ROS1: variants seen among roughly 807,000 people sequenced by gnomAD.
ROS1 encodes ROS proto-oncogene 1, receptor tyrosine kinase.
ROS1 carries 263 observed loss-of-function variants against 273.5 expected under a neutral mutation model. The ratio of observed to expected loss-of-function variants is 0.96; its 90% CI spans 0.87 to 1.06. ROS1 has a LOEUF of 1.06. Ranked by LOEUF, ROS1 falls within the 50% of genes least tolerant of loss-of-function variation. The pLI, the probability that ROS1 is intolerant of heterozygous loss-of-function variation, is 0.00. For synonymous variants in ROS1, 1,008 were observed against 954.1 expected (o/e 1.06, Z -1.04); for missense variants, 2,833 against 2,751.1 (o/e 1.03, Z -0.67).
intron 36 of ROS1, 68 bp downstream of exon 36, chr6:117,321,191 T>C (rs1432751939): frequency 2.0e-6 from 3 of 1,529,370 alleles, no homozygotes; most frequent in Non-Finnish European, 2.7e-6. Context: ...GCGGAATTCA[T>C]AGGCACTCTC....
At position 117,353,094 on chromosome 6, in the gene ROS1, T is replaced by C. The variant is rs1779011487; in HGVS notation, c.4199A>G (p.Gln1400Arg). 1.9e-6 allele frequency: 3 copies of C among 1,614,040 alleles called. No homozygotes were observed. Among genetic ancestry groups the C allele is most frequent in the South Asian group, 2.2e-5 (2 of 91,080 alleles). The change falls in exon 27 of 44, where the codon CAG (glutamine) becomes CGG (arginine). Residue 1400 changes from glutamine to arginine, a missense_variant. Coordinates refer to ENST00000368507, the MANE Select transcript of ROS1 (RefSeq NM_001378902.1). Reference protein sequence around the residue: ...YWIITAKDSTQIYQAKKGNGA... With the variant: ...YWIITAKDSTRIYQAKKGNGA... ...ATTTCCTTTCTTTGCCTGATAAATC[T>C]GTGTGCTGTCCTTTGCTGTGATGAT...
Position 117,360,400 on chromosome 6 carries a change from C to T in ROS1, c.3372G>A (p.Arg1124=), listed in dbSNP as rs780262110. The T allele has an allele frequency of 3.1e-6, 5 of 1,612,474 alleles. No homozygotes were observed. The Admixed American group carries it at 5.0e-5, about 16-fold the overall frequency. Residue 1124 remains arginine (R), a synonymous_variant, in exon 23 of 44, where the codon AGG becomes AGA. Coordinates refer to ENST00000368507, the MANE Select transcript of ROS1 (RefSeq NM_001378902.1). ...GTCCTGGCCCCTTAGATGTAAAGGC[C>T]CTAACCTAAAGAAAAGGAAACAAAA... ...SPRCFIAFQV[R]AFTSKGPGPY...
intron 27 of ROS1, among the ~76,000 whole-genome samples, chr6:117,348,284 T>C (rs1778538097): frequency 6.6e-6 from 1 of 152,006 alleles, no homozygotes; most frequent in Non-Finnish European, 1.5e-5. Flanking sequence ...ATATTCAGAT[T>C]GTCTATTTCT....
intron 27 of ROS1, among the ~76,000 whole-genome samples, chr6:117,345,903 G>A (rs1582687787): frequency 6.6e-6 from 1 of 152,102 alleles, no homozygotes; most frequent in African/African-American, 2.4e-5. Flanking sequence ...CAAAATGCAG[G>A]AAAAAATGTT....
At chr6:117,327,316 T>C (rs1208140268) in intron 33 of ROS1, among the ~76,000 whole-genome samples, 2 of 152,156 alleles carry the variant, frequency 1.3e-5, no homozygotes, top group African/African-American at 4.8e-5. Flanking sequence ...GAGGGTCCCT[T>C]TAAGGACCAT....
chr6:117,334,928 T>C (rs888382709), intron 32 of ROS1, among the ~76,000 whole-genome samples: 3 of 152,190 alleles, frequency 2.0e-5, no homozygotes, highest in African/African-American at 7.2e-5. Flanking sequence ...GACATAGGCA[T>C]GGGCAAAGAC....
intron 6 of ROS1, 74 bp downstream of exon 6, chr6:117,404,206 G>T (rs1774199748): frequency 2.9e-6 from 4 of 1,374,736 alleles, no homozygotes; most frequent in Non-Finnish European, 4.1e-6. Context: ...GGGCGACAGA[G>T]CGAGACTCCG....
rs143692584 is a variant in ROS1 at position 117,353,165 on chromosome 6, T to C, written c.4128A>G (p.Gly1376=). ...WRVITVPAML[G]KTLVSLTVDG... ...CCACAGTTAAGCTAACAAGGGTTTT[T>C]CCTGCTGTTAAAAACATAAGGAATA... Residue 1376 remains glycine, a splice_region_variant and synonymous_variant, in exon 27 of 44, where the codon GGA becomes GGG. Coordinates refer to ENST00000368507, the MANE Select transcript of ROS1 (RefSeq NM_001378902.1). 8.8e-5 allele frequency: 141 copies of C among 1,601,344 alleles called. No homozygotes were observed. In the African/African-American group the frequency reaches 1.5e-3, roughly 17 times the overall value.
intron 18 of ROS1, among the ~76,000 whole-genome samples, chr6:117,367,977 G>T (rs973743837): frequency 2.0e-5 from 3 of 152,132 alleles, no homozygotes; most frequent in African/African-American, 7.2e-5. Flanking sequence ...TTAGTCATCT[G>T]ATTTACCTGC....
chr6:117,319,352 A>G (rs1352511607), intron 37 of ROS1, among the ~76,000 whole-genome samples: 1 of 152,172 alleles, frequency 6.6e-6, no homozygotes, highest in Non-Finnish European at 1.5e-5. Context: ...GAAAAAGTCA[A>G]AAGAATATTA....
intron 7 of ROS1, among the ~76,000 whole-genome samples, chr6:117,399,823 T>C (rs957411396): frequency 6.6e-6 from 1 of 152,214 alleles, no homozygotes; most frequent in Non-Finnish European, 1.5e-5. Context: ...TAAAATAATA[T>C]AGTAACCTCC....
chr6:117,377,703 T>C (rs906854016), intron 18 of ROS1, among the ~76,000 whole-genome samples: 1 of 151,584 alleles, frequency 6.6e-6, no homozygotes, highest in African/African-American at 2.4e-5. Context: ...AATGCATAAA[T>C]TGGACTTAAT....
rs140873910 is a variant in ROS1, at chr6:117,342,129, A to C, written c.4651+271T>G. Among the ~76,000 whole-genome samples the C allele has an allele frequency of 3.9e-3, 591 of 152,276 alleles. 1 individual carries two copies. Among genetic ancestry groups the C allele is most frequent in the African/African-American group, 0.013 (547 of 41,562 alleles). ...CTGGAAAAAGTGACACTGTGTGGTGAGACCAAATAATGTGTTTCTTGGTCA... is the reference window on the plus strand; with the variant it reads ...CTGGAAAAAGTGACACTGTGTGGTGCGACCAAATAATGTGTTTCTTGGTCA... On this transcript the variant is annotated intron_variant, in intron 29 of 43. Transcript: ENST00000368507.
intron 42 of ROS1, among the ~76,000 whole-genome samples, chr6:117,303,540 A>G (rs1217459885): frequency 6.6e-6 from 1 of 152,204 alleles, no homozygotes; most frequent in Non-Finnish European, 1.5e-5. Context: ...AACCTGAAAG[A>G]AAGCCAGTGT....
In ROS1 at chr6:117,376,359, C is replaced by A. The variant is rs181879671; in HGVS notation, c.2582+2700G>T. The stretch of plus-strand genomic sequence containing the variant: ...CCTTAAAAGATGCTGAATTTGTAAT[C>A]AAATAATTTTCCACAAAGAAAACTC... On this transcript the variant is annotated intron_variant, in intron 18 of 43. Coordinates refer to ENST00000368507, the MANE Select transcript of ROS1 (RefSeq NM_001378902.1). Among the ~76,000 whole-genome samples the A allele has an allele frequency of 3.9e-3, 596 of 152,078 alleles. 7 individuals are homozygous for A. Among genetic ancestry groups the A allele is most frequent in the African/African-American group, 0.014 (578 of 41,532 alleles).
intron 5 of ROS1, 140 bp from the exon 6 acceptor site, chr6:117,404,568 G>T (rs1173974391): frequency 4.6e-6 from 3 of 657,770 alleles, no homozygotes; most frequent in South Asian, 2.3e-5. Context: ...AATAATCAAT[G>T]GTATGCATAT....
At chr6:117,323,049 C>T (rs1776390221) in intron 35 of ROS1, among the ~76,000 whole-genome samples, 1 of 152,164 alleles carries the variant, frequency 6.6e-6, no homozygotes, top group African/African-American at 2.4e-5. Flanking sequence ...GCAGTCAAGC[C>T]TATATGCCAA....
intron 16 of ROS1, among the ~76,000 whole-genome samples, chr6:117,384,238 T>C (rs1054097107): frequency 6.6e-6 from 1 of 152,318 alleles, no homozygotes; most frequent in Admixed American, 6.5e-5. Flanking sequence ...TGAATTCAGA[T>C]TGTACCATAT....
chr6:117,414,300 T>A (rs1276176482), intron 4 of ROS1, among the ~76,000 whole-genome samples: 1 of 152,162 alleles, frequency 6.6e-6, no homozygotes, highest in Non-Finnish European at 1.5e-5. Context: ...TAGGAACATA[T>A]ATATTATATA....
Sources: gnomAD v4.1 joint callset for allele counts (sites outside exome capture counted in the v4.1 genomes callset) on GRCh38, gnomAD v4.1.1 for gene constraint, MANE v1.5 for transcripts, NCBI Gene and HGNC (gene_info 2026-07-23, HGNC 2026-07-21) for gene names.